The following CDK11B variants were observed in gnomAD, a reference collection of about 807,000 sequenced individuals.
CDK11B encodes cyclin dependent kinase 11B, also known as cyclin-dependent kinase 11B.
In CDK11B, 37 loss-of-function variants were observed where a neutral mutation model predicts 84.0. The observed-to-expected ratio is 0.44, with a 90% confidence interval of 0.34 to 0.58. The LOEUF (loss-of-function observed/expected upper bound fraction) is 0.58. CDK11B is among the 20% of genes least tolerant of loss of function. CDK11B has a pLI of 0.02. For missense variants in CDK11B, 427 were observed against 834.0 expected (o/e 0.51, Z 6.01); for synonymous variants, 269 against 309.8 (o/e 0.87, Z 1.38).
Position 1,636,748 on chromosome 1 carries a change from C to A in CDK11B, c.1851G>T (p.Glu617Asp). ...DMWSVGCIFG[E>D]LLTQKPLFPG... ...GGAACAGAGGCTTCTGAGTCAGCAG[C>A]TCCCCGAAGATGCAACCCACTGACC... Residue 617 changes from glutamate (E) to aspartate (D), a missense_variant, in exon 17 of 20, where the codon GAG becomes GAT. By Grantham distance (45) the Glu-to-Asp change is conservative (BLOSUM62 2). This residue lies in a region of CDK11B where 170 missense variants were observed against 196.0 expected (regional missense o/e 0.87). Transcript: ENST00000341832. 1 of 1,613,968 alleles carries A rather than the reference C, an allele frequency of 6.2e-7. No homozygotes were observed. The highest frequency in any genetic ancestry group is 8.5e-7 in the Non-Finnish European group (1 of 1,179,868).
chr1:1,655,447 T>C lies in CDK11B; in HGVS notation c.149A>G (p.Glu50Gly). Reference protein sequence around the residue: ...DRDSKRDSLEEGELRDHRMEI... With the variant: ...DRDSKRDSLEGGELRDHRMEI... ...CATGCGGTGATCTCTCAGCTCCCCC[T>C]CCTCAAGGGAATCCCGCTTGGAATC... Residue 50 changes from glutamate to glycine, a missense_variant, in exon 3 of 20, where the codon GAG (glutamate) becomes GGG (glycine). Around this residue, in one of 12 missense-constraint regions of CDK11B, gnomAD observed 57 missense variants for 62.2 expected, o/e 0.92. Transcript: ENST00000341832. 1.2e-6 allele frequency: 2 copies of C among 1,612,894 alleles called. No individual in the cohort carries two copies. Among genetic ancestry groups the C allele is most frequent in the Non-Finnish European group, 1.7e-6 (2 of 1,178,996 alleles).
intron 5 of CDK11B, among the ~76,000 whole-genome samples, chr1:1,648,568 TG>T (rs1281303935): frequency 5.3e-5 from 8 of 150,816 alleles, no homozygotes; most frequent in South Asian, 2.1e-4. Flanking sequence ...GCAAGCTTTC[TG>T]TGGACTCACT....
At chr1:1,653,261 G>A (rs1289401592) in intron 3 of CDK11B, among the ~76,000 whole-genome samples, 1 of 151,876 alleles carries the variant, frequency 6.6e-6, no homozygotes, top group Non-Finnish European at 1.5e-5. Flanking sequence ...GTGACATCAT[G>A]ATCCACCCAC....
chr1:1,657,601 T>G (rs1161145084), intron 1 of CDK11B, 103 bp from the exon 2 acceptor site: 3 of 902,016 alleles, frequency 3.3e-6, no homozygotes, highest in Non-Finnish European at 4.8e-6. Context: ...AAATCCTCAT[T>G]AAGAATAAGA....
At chr1:1,655,590 A>C in intron 2 of CDK11B, 106 bp from the exon 3 acceptor site, 1 of 1,422,612 alleles carries the variant, frequency 7.0e-7, no homozygotes. Context: ...CCCAAAACAA[A>C]CTTTCATATA....
chr1:1,656,597 G>C (rs1368705050), intron 2 of CDK11B, among the ~76,000 whole-genome samples: 1 of 152,134 alleles, frequency 6.6e-6, no homozygotes, highest in Non-Finnish European at 1.5e-5. Context: ...AGATCATCCT[G>C]GCTGACACCG....
chr1:1,652,655 T>C, intron 3 of CDK11B, 89 bp from the exon 4 acceptor site: 1 of 967,766 alleles, frequency 1.0e-6, no homozygotes, highest in Non-Finnish European at 1.4e-6. Flanking sequence ...CCCAGAAAAA[T>C]GCATGATTCA....
rs140962435 is a variant in CDK11B, at chr1:1,654,012, GCAA to G, written c.227+1354_227+1356del. Reference sequence around the variant, plus strand: ...CGACAGGGTAAGACTCTGTGTCAAAGCAACAACAACAACAACAAAACAATCTTC... The same window carrying G: ...CGACAGGGTAAGACTCTGTGTCAAAGCAACAACAACAACAAAACAATCTTC... On this transcript the variant is annotated intron_variant, in intron 3 of 19. Transcript: ENST00000341832. 1.6e-3 allele frequency: 623 copies of G among 397,770 alleles called. 2 individuals carry two copies. The highest frequency in any genetic ancestry group is 9.8e-3 in the African/African-American group (471 of 47,946). The allele number at this position is 397,770 out of a possible 1,614,324, so 24.6% of individuals were successfully genotyped here.
Position 1,655,396 on chromosome 1 carries a change from T to C in CDK11B, c.200A>G (p.Tyr67Cys), listed in dbSNP as rs1475114736. Residue 67 changes from tyrosine to cysteine, a missense_variant, in exon 3 of 20, where the codon TAT (tyrosine) becomes TGT (cysteine). By Grantham distance (194) the Tyr-to-Cys change is radical. Around this residue, in one of 12 missense-constraint regions of CDK11B, gnomAD observed 57 missense variants for 62.2 expected, o/e 0.92. Transcript: ENST00000341832. Reference protein sequence around the residue: ...RMEITIRNSPYRREDSMEDRG... With the variant: ...RMEITIRNSPCRREDSMEDRG... ...GTCTTCCATAGAGTCTTCTCTTCTA[T>C]ACGGGGAGTTCCTTATTGTGATCTC... The C allele has an allele frequency of 1.2e-6, 2 of 1,613,646 alleles. No homozygotes were observed. The highest frequency in any genetic ancestry group is 1.7e-6 in the Non-Finnish European group (2 of 1,179,642).
chr1:1,649,835 C>T (rs1329119648), intron 4 of CDK11B, among the ~76,000 whole-genome samples, 198 bp from the exon 5 acceptor site: 23 of 150,322 alleles, frequency 1.5e-4, no homozygotes, highest in East Asian at 1.2e-3. Flanking sequence ...ATTAGCTGGG[C>T]GTGGTGGCAG....
rs1204480273 is a variant in CDK11B at position 1,649,609 on chromosome 1, T to G, written c.384A>C (p.Glu128Asp). ...GCCGTTTCCGACGTTCGTGCTCTCTTTCTTTTTCTTTCACTCTAGCATGCT... is the reference window on the plus strand; with the variant it reads ...GCCGTTTCCGACGTTCGTGCTCTCTGTCTTTTTCTTTCACTCTAGCATGCT... The part of the protein sequence containing the change: ...GGKHARVKEK[E>D]REHERRKRHR... Residue 128 changes from glutamate to aspartate, a missense_variant, in exon 5 of 20, where the codon GAA becomes GAC. Physicochemically the swap from Glu to Asp is conservative, Grantham distance 45. Around this residue, in one of 12 missense-constraint regions of CDK11B, gnomAD observed 71 missense variants for 66.2 expected, o/e 1.07. Coordinates refer to ENST00000341832, the MANE Select transcript of CDK11B (RefSeq NM_033486.3). The G allele has an allele frequency of 9.3e-6, 15 of 1,609,038 alleles. No individual in the cohort carries two copies. Among genetic ancestry groups the G allele is most frequent in the South Asian group, 2.2e-5 (2 of 90,980 alleles).
intron 4 of CDK11B, among the ~76,000 whole-genome samples, chr1:1,651,391 ACG>A (rs1295750204): frequency 6.6e-6 from 1 of 151,768 alleles, no homozygotes; most frequent in Admixed American, 6.6e-5. Flanking sequence ...TCTGTGATAC[ACG>A]CATGCTTTCA....
chr1:1,650,098 A>G (rs1249605015), intron 4 of CDK11B, among the ~76,000 whole-genome samples: 10,905 of 149,950 alleles, frequency 0.073, 675 homozygotes, highest in African/African-American at 0.17. Context: ...GTGAAACCCC[A>G]TCTCTACTAA....
Position 1,637,078 on chromosome 1 carries a change from C to G in CDK11B, c.1692+3G>C, listed in dbSNP as rs1250696657. The G allele has an allele frequency of 1.9e-6, 3 of 1,613,436 alleles. No individual in the cohort carries two copies. The East Asian group carries it at 6.7e-5, about 36-fold the overall frequency. ...GGGATGGGCCACTCGGAGGGGGGCT[C>G]ACCTTGAGGATGCCGGCGTGGCTCA... On this transcript the variant is annotated splice_donor_region_variant and intron_variant, in intron 15 of 19. Transcript: ENST00000341832.
intron 5 of CDK11B, 93 bp from the exon 6 acceptor site, chr1:1,645,355 T>C: frequency 6.3e-7 from 1 of 1,581,020 alleles, no homozygotes; most frequent in Admixed American, 1.7e-5. Context: ...CGTAATTCAA[T>C]CCGTGAAGTT....
At chr1:1,657,634 C>G in intron 1 of CDK11B, 136 bp from the exon 2 acceptor site, 1 of 712,382 alleles carries the variant, frequency 1.4e-6, no homozygotes, top group Non-Finnish European at 2.2e-6. Flanking sequence ...CGCAGTGGCT[C>G]AAGACGGTAA....
chr1:1,648,657 C>T (rs1269920147), intron 5 of CDK11B, among the ~76,000 whole-genome samples: 1 of 152,170 alleles, frequency 6.6e-6, no homozygotes, highest in Non-Finnish European at 1.5e-5. Flanking sequence ...GGGGCTACAC[C>T]GATGTTCTTT....
chr1:1,641,306 C>T (rs1326609891), intron 9 of CDK11B, among the ~76,000 whole-genome samples, 193 bp from the exon 10 acceptor site: 8 of 147,262 alleles, frequency 5.4e-5, no homozygotes, highest in Non-Finnish European at 1.1e-4. Flanking sequence ...GTCAGGAGTT[C>T]GAGACCATCC....
At chr1:1,637,552 G>T (rs771981481) in intron 13 of CDK11B, 39 bp from the exon 14 acceptor site, 1 of 1,609,550 alleles carries the variant, frequency 6.2e-7, no homozygotes, top group African/African-American at 1.3e-5. Context: ...GCACCTCCAG[G>T]CCCCCACCCA....
Sources: gnomAD v4.1 joint callset for allele counts (sites outside exome capture counted in the v4.1 genomes callset) on GRCh38, gnomAD v4.1.1 for gene constraint, gnomAD v4.1.1 regional missense constraint, MANE v1.5 for transcripts, NCBI Gene and HGNC (gene_info 2026-07-23, HGNC 2026-07-21) for gene names.